Variants in DDX6 observed in about 807,000 individuals in gnomAD.
DDX6 encodes probable ATP-dependent RNA helicase DDX6.
Under a neutral mutation model 60.6 loss-of-function variants are expected in DDX6, and 7 were observed. The observed-to-expected ratio is 0.12, with a 90% CI of 0.07 to 0.22. DDX6 has a LOEUF of 0.22. Ranked by LOEUF, DDX6 falls within the 10% of genes least tolerant of loss-of-function variation. The pLI is 1.00. For synonymous variants in DDX6, 207 were observed against 201.0 expected (o/e 1.03, Z -0.25); for missense variants, 270 against 589.9 (o/e 0.46, Z 5.62).
At chr11:118,778,070 C>CAGA (rs1861765734) in intron 4 of DDX6, among the ~76,000 whole-genome samples, 1 of 151,248 alleles carries the variant, frequency 6.6e-6, no homozygotes, top group African/African-American at 2.4e-5. Context: ...TAAGTCCATA[C>CAGA]TGATAACAGA....
chr11:118,760,757 G>A (rs1227583547), intron 7 of DDX6, among the ~76,000 whole-genome samples: 3 of 149,194 alleles, frequency 2.0e-5, no homozygotes, highest in Non-Finnish European at 3.0e-5. Flanking sequence ...GGAGGCGGAC[G>A]CTGCAGTGAG....
intron 6 of DDX6, among the ~76,000 whole-genome samples, chr11:118,764,396 A>G (rs1233133926): frequency 6.6e-6 from 1 of 152,108 alleles, no homozygotes; most frequent in Non-Finnish European, 1.5e-5. Flanking sequence ...TAGTTAGCCA[A>G]TCTCCTTCTA....
Position 118,758,916 on chromosome 11 carries a change from G to A in DDX6, c.865-14C>T, listed in dbSNP as rs200070485. 31 of 1,611,700 alleles carry A rather than the reference G, an allele frequency of 1.9e-5. 2 individuals carry two copies. The highest frequency in any genetic ancestry group is 3.3e-4 in the Middle Eastern group (2 of 6,042). ...CAAATGGGAATTCTGGGGGGGGAGC[G>A]GGAAAAAGATGAGTCGTCGTCTTAA... On this transcript the variant is annotated splice_polypyrimidine_tract_variant and intron_variant, in intron 8 of 13. Coordinates refer to ENST00000534980, the MANE Select transcript of DDX6 (RefSeq NM_004397.6).
intron 1 of DDX6, chr11:118,789,852 T>C (rs576252470): frequency 6.6e-6 from 1 of 152,312 alleles, no homozygotes; most frequent in East Asian, 1.9e-4. Flanking sequence ...ACTGCAGCTT[T>C]TTCTCAGAGA....
intron 1 of DDX6, chr11:118,787,604 G>T (rs1345282711): frequency 6.6e-6 from 1 of 152,234 alleles, no homozygotes; most frequent in Non-Finnish European, 1.5e-5. Context: ...GACGGAGGCT[G>T]CAGTGAGCCA....
rs1555156705 is a variant in DDX6, at chr11:118,749,650, TTC to T, written c.*2453_*2454del. ...CACTTTTTGTTTAGTCACCCACACG[TTC>T]TCTAGCGAGATACAGAATTGCATTT... On this transcript the variant is annotated 3_prime_UTR_variant, in exon 14 of 14. Coordinates refer to ENST00000534980, the MANE Select transcript of DDX6 (RefSeq NM_004397.6). 2 of 152,800 alleles carry T rather than the reference TTC, an allele frequency of 1.3e-5. No individual in the cohort carries two copies. The highest frequency in any genetic ancestry group is 2.9e-5 in the Non-Finnish European group (2 of 68,032). The allele number at this position is 152,800 out of a possible 1,614,324, so 9.5% of individuals were successfully genotyped here.
intron 4 of DDX6, among the ~76,000 whole-genome samples, chr11:118,773,415 C>T (rs1861600006): frequency 6.6e-6 from 1 of 150,858 alleles, no homozygotes; most frequent in Non-Finnish European, 1.5e-5. Context: ...TAAAAAAATA[C>T]AAAAAAATTA....
chr11:118,754,362 G>A (rs1292037106), intron 13 of DDX6, among the ~76,000 whole-genome samples: 1 of 152,194 alleles, frequency 6.6e-6, no homozygotes, highest in Non-Finnish European at 1.5e-5. Context: ...AGCTATGATT[G>A]CACCACTGCA....
chr11:118,761,900 T>C (rs1043085694), intron 7 of DDX6, among the ~76,000 whole-genome samples: 1 of 148,612 alleles, frequency 6.7e-6, no homozygotes, highest in Non-Finnish European at 1.5e-5. Context: ...AAGCACTTAG[T>C]GCTGGTACCC....
At chr11:118,754,226 T>A in intron 13 of DDX6, among the ~76,000 whole-genome samples, 1 of 152,188 alleles carries the variant, frequency 6.6e-6, no homozygotes, top group East Asian at 1.9e-4. Flanking sequence ...GTTCAGGAGT[T>A]CTGGACCAGC....
At position 118,754,332 on chromosome 11, in the gene DDX6, A is replaced by G. The variant is rs527752602; in HGVS notation, c.*7+373T>C. 3.5e-4 allele frequency among the ~76,000 whole-genome samples: 53 copies of G among 152,298 alleles called. 1 individual carries two copies. The East Asian group carries it at 8.9e-3, about 25-fold the overall frequency. On this transcript the variant is annotated intron_variant, in intron 13 of 13. Transcript: ENST00000534980. ...TACAGTTCCAGCTACTCAGGAGCCC[A>G]GGAGAACCAGGCTGCAGTGAGCTAT...
intron 4 of DDX6, among the ~76,000 whole-genome samples, chr11:118,771,536 A>G (rs892994445): frequency 2.0e-5 from 3 of 152,256 alleles, no homozygotes; most frequent in African/African-American, 7.2e-5. Context: ...TTTCTCAGGA[A>G]ATAATGAAAA....
chr11:118,791,709 C>G (rs573411492), upstream of DDX6: 1 of 152,014 alleles, frequency 6.6e-6, no homozygotes, highest in Non-Finnish European at 1.5e-5. Flanking sequence ...CAGGAAGGCG[C>G]GGAACTAGCG....
In DDX6 at chr11:118,751,176, C is replaced by G. The variant is rs1555157210; in HGVS notation, c.*929G>C. The G allele has an allele frequency of 1.3e-5, 2 of 151,974 alleles. No homozygotes were observed. The highest frequency in any genetic ancestry group is 2.9e-5 in the Non-Finnish European group (2 of 67,950). The allele number at this position is 151,974 out of a possible 1,614,324, so 9.4% of individuals were successfully genotyped here. A position where few individuals can be genotyped will look rare whatever the true frequency, so the allele number is the denominator to read the frequency against. On this transcript the variant is annotated 3_prime_UTR_variant, in exon 14 of 14. Coordinates refer to ENST00000534980, the MANE Select transcript of DDX6 (RefSeq NM_004397.6). ...ACGCTTTGCCACAGAGGAAAGAGGGCCAAGGCTCTGACATGTCTACACATC... is the reference window on the plus strand; with the variant it reads ...ACGCTTTGCCACAGAGGAAAGAGGGGCAAGGCTCTGACATGTCTACACATC...
chr11:118,780,333 C>T (rs550770652), intron 3 of DDX6, among the ~76,000 whole-genome samples: 4 of 151,800 alleles, frequency 2.6e-5, no homozygotes, highest in Non-Finnish European at 5.9e-5. Context: ...TTTTTTTCTT[C>T]GAGAGATGGA....
At chr11:118,785,826 A>C (rs938089728) in intron 2 of DDX6, 38 of 401,446 alleles carry the variant, frequency 9.5e-5, no homozygotes, top group African/African-American at 7.2e-4. Context: ...CATTTATACA[A>C]AATTTGTGTG....
chr11:118,787,893 T>C (rs903278291), intron 1 of DDX6: 1 of 151,176 alleles, frequency 6.6e-6, no homozygotes, highest in Non-Finnish European at 1.5e-5. Context: ...ATTTTAAATT[T>C]AAAAAAACAG....
intron 1 of DDX6, among the ~76,000 whole-genome samples, chr11:118,790,642 C>T (rs1479650813): frequency 1.3e-5 from 2 of 152,110 alleles, no homozygotes; most frequent in Non-Finnish European, 2.9e-5. Flanking sequence ...AAAGCTACTC[C>T]GAGTACTTAG....
chr11:118,762,029 A>G (rs1591894566), intron 7 of DDX6, among the ~76,000 whole-genome samples: 1 of 152,034 alleles, frequency 6.6e-6, no homozygotes, highest in Admixed American at 6.6e-5. Flanking sequence ...AATCCCAGCA[A>G]TTTGGGAGGC....
Sources: allele counts gnomAD v4.1 joint callset (sites outside exome capture counted in the v4.1 genomes callset), GRCh38; gene constraint gnomAD v4.1.1; transcripts MANE v1.5; gene names NCBI Gene and HGNC (gene_info 2026-07-23, HGNC 2026-07-21).